The following KIF6 variants were observed in gnomAD, a reference collection of about 807,000 sequenced individuals.
KIF6 encodes kinesin-like protein KIF6.
A neutral mutation model predicts 112.7 loss-of-function variants in KIF6; 106 were observed. The observed-to-expected ratio is 0.94, with a 90% confidence interval of 0.80 to 1.11. KIF6 has a LOEUF of 1.11. KIF6 is among the 50% of genes least tolerant of loss of function. The pLI is 0.00. For missense variants in KIF6, 929 were observed against 964.0 expected (o/e 0.96, Z 0.48); for synonymous variants, 339 against 339.9 (o/e 1.00, Z 0.03).
intron 13 of KIF6, among the ~76,000 whole-genome samples, chr6:39,453,351 C>T (rs558595692): frequency 5.3e-5 from 8 of 152,244 alleles, no homozygotes; most frequent in Non-Finnish European, 7.4e-5. Context: ...CAATGTCGTC[C>T]GAGTTTGTGT....
chr6:39,657,205 CCTGGGCAA>C (rs1390318436), intron 3 of KIF6, among the ~76,000 whole-genome samples: 7 of 151,058 alleles, frequency 4.6e-5, no homozygotes, highest in Non-Finnish European at 1.0e-4. Context: ...TGCACTCCAG[CCTGGGCAA>C]CAAGAGCGAA....
At position 39,725,306 on chromosome 6, in the gene KIF6, A is replaced by G; in HGVS notation, c.5T>C (p.Val2Ala). ...CGCGAATATCTGGATAGTCTGCTTC[A>G]CCATCTCCTCCCTGGCTCTGCAATG... Reference protein sequence around the residue: MVKQTIQIFARV... With the variant: MAKQTIQIFARV... The change falls in exon 1 of 23, where the codon GTG becomes GCG. Residue 2 changes from valine to alanine, a missense_variant. Coordinates refer to ENST00000287152, the MANE Select transcript of KIF6 (RefSeq NM_145027.6). 2 of 1,607,978 alleles carry G rather than the reference A, an allele frequency of 1.2e-6. No individual in the cohort carries two copies. Among genetic ancestry groups the G allele is most frequent in the Non-Finnish European group, 1.7e-6 (2 of 1,177,664 alleles).
chr6:39,405,915 T>G (rs529919509), intron 15 of KIF6, among the ~76,000 whole-genome samples: 8 of 152,350 alleles, frequency 5.3e-5, no homozygotes, highest in African/African-American at 1.9e-4. Flanking sequence ...GTTTTGGTAG[T>G]TTGTGACTTT....
intron 10 of KIF6, among the ~76,000 whole-genome samples, chr6:39,574,423 C>G (rs1303199022): frequency 6.6e-6 from 1 of 152,284 alleles, no homozygotes; most frequent in East Asian, 1.9e-4. Flanking sequence ...TTCATCTTCA[C>G]ATTTGAATAC....
At chr6:39,623,824 T>C (rs1783949227) in intron 5 of KIF6, among the ~76,000 whole-genome samples, 1 of 152,166 alleles carries the variant, frequency 6.6e-6, no homozygotes, top group African/African-American at 2.4e-5. Context: ...CTTCATCACC[T>C]GGCCCAGATA....
chr6:39,480,355 TA>T (rs1291600431), intron 13 of KIF6, among the ~76,000 whole-genome samples: 1 of 152,244 alleles, frequency 6.6e-6, no homozygotes, highest in Non-Finnish European at 1.5e-5. Flanking sequence ...GTATCATATT[TA>T]TTGACTTGCG....
chr6:39,546,057 G>A (rs1226561989), intron 10 of KIF6, among the ~76,000 whole-genome samples: 10 of 152,064 alleles, frequency 6.6e-5, no homozygotes, highest in Non-Finnish European at 1.5e-4. Context: ...ATGTGACTCC[G>A]CTTCAGCTGG....
chr6:39,475,065 C>T (rs1774343512), intron 13 of KIF6, among the ~76,000 whole-genome samples: 1 of 152,174 alleles, frequency 6.6e-6, no homozygotes, highest in Admixed American at 6.5e-5. Context: ...AGTTAAGAAA[C>T]AAATGTTGGA....
chr6:39,372,707 C>T (rs998126586), intron 16 of KIF6, among the ~76,000 whole-genome samples: 4 of 152,160 alleles, frequency 2.6e-5, no homozygotes, highest in Non-Finnish European at 5.9e-5. Flanking sequence ...TAGAATATTA[C>T]GGAATTGGTA....
intron 14 of KIF6, among the ~76,000 whole-genome samples, chr6:39,425,733 T>A (rs1285253019): frequency 1.3e-5 from 2 of 149,774 alleles, no homozygotes; most frequent in African/African-American, 4.9e-5. Context: ...CTGAGAAGAT[T>A]CTAATCTAAT....
chr6:39,544,733 T>C (rs376484568), intron 11 of KIF6, 40 bp from the exon 12 acceptor site: 11 of 1,286,530 alleles, frequency 8.6e-6, no homozygotes, highest in East Asian at 4.8e-5. Context: ...ATATCTCTAG[T>C]CCAAATTTCT....
At chr6:39,394,430 A>G (rs2150328817) in intron 15 of KIF6, among the ~76,000 whole-genome samples, 1 of 152,286 alleles carries the variant, frequency 6.6e-6, no homozygotes, top group East Asian at 1.9e-4. Context: ...AGCGACAGGG[A>G]TAGGGGAAAT....
intron 7 of KIF6, among the ~76,000 whole-genome samples, chr6:39,594,123 G>C (rs999805493): frequency 1.3e-5 from 2 of 151,934 alleles, no homozygotes; most frequent in African/African-American, 4.8e-5. Context: ...CTCACACGAG[G>C]CTGTCATTAA....
At chr6:39,574,726 AT>A (rs1327214297) in intron 10 of KIF6, among the ~76,000 whole-genome samples, 1 of 152,140 alleles carries the variant, frequency 6.6e-6, no homozygotes, top group Non-Finnish European at 1.5e-5. Context: ...TTTCTTAACT[AT>A]TGGCTCCTCT....
At chr6:39,684,099 A>G (rs9471142) in intron 3 of KIF6, among the ~76,000 whole-genome samples, 49,078 of 152,070 alleles carry the variant, frequency 0.32, 9,269 homozygotes, top group Non-Finnish European at 0.4. Flanking sequence ...ACTGTGTTCA[A>G]TCTAGGGGTA....
chr6:39,420,160 T>C (rs1394481968), intron 14 of KIF6, among the ~76,000 whole-genome samples, 157 bp from the exon 15 acceptor site: 1 of 152,188 alleles, frequency 6.6e-6, no homozygotes. Flanking sequence ...GGCTTAAAAA[T>C]AGAGAGAAAA....
intron 5 of KIF6, among the ~76,000 whole-genome samples, chr6:39,615,872 C>A (rs1375917203): frequency 6.6e-6 from 1 of 152,094 alleles, no homozygotes; most frequent in Non-Finnish European, 1.5e-5. Flanking sequence ...CCTCCCTGAC[C>A]ATGCAGTTGG....
At chr6:39,397,019 C>G (rs1177029264) in intron 15 of KIF6, among the ~76,000 whole-genome samples, 1 of 152,200 alleles carries the variant, frequency 6.6e-6, no homozygotes, top group Non-Finnish European at 1.5e-5. Flanking sequence ...AAGTGCCTCT[C>G]TCCGCCTCGG....
intron 13 of KIF6, among the ~76,000 whole-genome samples, chr6:39,491,339 C>A (rs1775472383): frequency 6.6e-6 from 1 of 152,032 alleles, no homozygotes; most frequent in African/African-American, 2.4e-5. Context: ...CAGACAACTC[C>A]AACTTTTCCA....
Sources: gnomAD v4.1 joint callset for allele counts (sites outside exome capture counted in the v4.1 genomes callset) on GRCh38, gnomAD v4.1.1 for gene constraint, MANE v1.5 for transcripts, NCBI Gene and HGNC (gene_info 2026-07-23, HGNC 2026-07-21) for gene names.